Variants in CDC42BPB observed in about 807,000 individuals in gnomAD.
CDC42BPB encodes CDC42 binding protein kinase beta.
Under a neutral mutation model 214.9 loss-of-function variants are expected in CDC42BPB, and 37 were observed. The ratio of observed to expected loss-of-function variants is 0.17; its 90% CI spans 0.13 to 0.23. The LOEUF (loss-of-function observed/expected upper bound fraction) is 0.23. CDC42BPB is among the 10% of genes least tolerant of loss of function. CDC42BPB has a pLI of 1.00. For synonymous variants in CDC42BPB, 931 were observed against 884.0 expected, an observed-to-expected ratio of 1.05 and a Z score of -0.94; for missense variants, 1,694 against 2,227.0, an observed-to-expected ratio of 0.76 and a Z score of 4.82.
chr14:102,969,841 A>G (rs1893394319), intron 14 of CDC42BPB, among the ~76,000 whole-genome samples: 1 of 152,258 alleles, frequency 6.6e-6, no homozygotes, highest in South Asian at 2.1e-4. Flanking sequence ...CCACGATGTG[A>G]AGAAGGCTAT....
intron 5 of CDC42BPB, among the ~76,000 whole-genome samples, chr14:102,992,004 C>G (rs1298174042): frequency 6.6e-6 from 1 of 152,126 alleles, no homozygotes; most frequent in African/African-American, 2.4e-5. Flanking sequence ...GCACCAGCCA[C>G]GTTTTGAGTG....
chr14:102,981,758 CAA>C (rs1894014672), intron 7 of CDC42BPB, among the ~76,000 whole-genome samples: 1 of 152,096 alleles, frequency 6.6e-6, no homozygotes, highest in African/African-American at 2.4e-5. Flanking sequence ...GCCTGGGTGA[CAA>C]GAGCGAGATT....
chr14:102,945,829 G>A (rs1892138783), intron 28 of CDC42BPB, 105 bp from the exon 29 acceptor site: 5 of 946,294 alleles, frequency 5.3e-6, no homozygotes, highest in Non-Finnish European at 8.5e-6. Context: ...TCAACCATAT[G>A]TGGATGAGAA....
intron 2 of CDC42BPB, 186 bp from the exon 3 acceptor site, chr14:103,008,741 G>C (rs1054708488): frequency 6.2e-6 from 6 of 962,586 alleles, no homozygotes; most frequent in Non-Finnish European, 7.4e-6. Flanking sequence ...CAGAGAAAGG[G>C]ACCGGCCACG....
intron 23 of CDC42BPB, among the ~76,000 whole-genome samples, chr14:102,952,931 G>A (rs984517755): frequency 6.6e-6 from 1 of 152,244 alleles, no homozygotes; most frequent in Non-Finnish European, 1.5e-5. Flanking sequence ...CTGGAGACCA[G>A]CACCAACTGG....
chr14:102,948,896 G>A lies in CDC42BPB; in HGVS notation c.3449+869C>T, dbSNP rs1040887291. On this transcript the variant is annotated intron_variant, in intron 26 of 36. Transcript: ENST00000361246. ...CACCTGTGCACAGCCAGGGACTGGC[G>A]GGTGCCCCGGGGGAAGGGACATGGA... Among the ~76,000 whole-genome samples, 6 of 151,882 alleles carry A rather than the reference G, an allele frequency of 4.0e-5. 1 individual carries two copies. In the South Asian group the frequency reaches 6.2e-4, roughly 16 times the overall value.
At chr14:103,020,737 C>A (rs956033932) in intron 1 of CDC42BPB, among the ~76,000 whole-genome samples, 1 of 152,212 alleles carries the variant, frequency 6.6e-6, no homozygotes, top group African/African-American at 2.4e-5. Flanking sequence ...GGAATGCAGG[C>A]GCCTTCACAG....
intron 1 of CDC42BPB, among the ~76,000 whole-genome samples, chr14:103,027,230 G>A (rs1887104442): frequency 6.6e-6 from 1 of 152,154 alleles, no homozygotes; most frequent in African/African-American, 2.4e-5. Flanking sequence ...CTTACACACT[G>A]CTAGTGAGAT....
At chr14:102,947,623 C>T (rs548963824) in intron 27 of CDC42BPB, 98 bp downstream of exon 27, 198 of 1,065,648 alleles carry the variant, frequency 1.9e-4, no homozygotes, top group Admixed American at 4.0e-4. Context: ...TAGGGCCACA[C>T]TGGAGGTGCG....
chr14:102,963,052 T>C lies in CDC42BPB; in HGVS notation c.2821+9A>G, dbSNP rs1166719344. ...TCAAATAATGCAGAATCGCACAACA[T>C]TAATTTACCAGTATCTGCTCTGAAT... On this transcript the variant is annotated intron_variant, in intron 20 of 36. Coordinates refer to ENST00000361246, the MANE Select transcript of CDC42BPB (RefSeq NM_006035.4). 3 of 1,195,494 alleles carry C rather than the reference T, an allele frequency of 2.5e-6. No individual in the cohort carries two copies. Among genetic ancestry groups the C allele is most frequent in the Non-Finnish European group, 3.7e-6 (3 of 805,492 alleles). The allele number at this position is 1,195,494 out of a possible 1,614,324, so 74.1% of individuals were successfully genotyped here.
intron 24 of CDC42BPB, among the ~76,000 whole-genome samples, chr14:102,951,077 A>G (rs957314149): frequency 6.6e-6 from 1 of 152,232 alleles, no homozygotes; most frequent in African/African-American, 2.4e-5. Flanking sequence ...ACAAAAGCTC[A>G]GGGTTTCTGG....
intron 12 of CDC42BPB, 146 bp downstream of exon 12, chr14:102,973,870 C>T: frequency 9.5e-7 from 1 of 1,057,068 alleles, no homozygotes; most frequent in Non-Finnish European, 1.3e-6. Flanking sequence ...GGCCCCGGGG[C>T]CAGGCTTGGC....
intron 30 of CDC42BPB, chr14:102,940,742 T>C (rs897652601): frequency 4.1e-6 from 1 of 242,300 alleles, no homozygotes; most frequent in Non-Finnish European, 8.2e-6. Flanking sequence ...CAAGTCCGGT[T>C]TCCAGGTAGG....
In CDC42BPB at chr14:102,970,133, A is replaced by AC; in HGVS notation, c.1995+17dup. The AC allele has an allele frequency of 6.3e-7, 1 of 1,582,272 alleles. No homozygotes were observed. The highest frequency in any genetic ancestry group is 8.7e-7 in the Non-Finnish European group (1 of 1,153,858). ...GCATCCCTCTCAGTTAAGGGCAGAG[A>AC]CCCCCGCCCAGCACTACCTTGAGGG... is the stretch of plus-strand genomic sequence containing the variant. On this transcript the variant is annotated intron_variant, in intron 14 of 36. Coordinates refer to ENST00000361246, the MANE Select transcript of CDC42BPB (RefSeq NM_006035.4).
chr14:102,967,364 C>G lies in CDC42BPB; in HGVS notation c.2347-194G>C, dbSNP rs893474851. 4.6e-5 allele frequency: 45 copies of G among 985,252 alleles called. No homozygotes were observed. In the African/African-American group the frequency reaches 7.5e-4, roughly 16 times the overall value. 61.0% of individuals were successfully genotyped at this position (985,252 alleles called of 1,614,324 possible). A position where few individuals can be genotyped will look rare whatever the true frequency, so the allele number is the denominator to read the frequency against. Reference sequence around the variant, plus strand: ...GTCACATTTCAATTCAAATCTAAACCTAAACTGATGGAGCTGGAGCTAGTG... The same window carrying G: ...GTCACATTTCAATTCAAATCTAAACGTAAACTGATGGAGCTGGAGCTAGTG... On this transcript the variant is annotated intron_variant, in intron 16 of 36. Coordinates refer to ENST00000361246, the MANE Select transcript of CDC42BPB (RefSeq NM_006035.4).
chr14:102,998,889 C>T (rs1894858609), intron 5 of CDC42BPB, among the ~76,000 whole-genome samples: 1 of 151,828 alleles, frequency 6.6e-6, no homozygotes, highest in Non-Finnish European at 1.5e-5. Flanking sequence ...CACGTGAGCC[C>T]CAGGGAGCAC....
intron 5 of CDC42BPB, among the ~76,000 whole-genome samples, chr14:102,992,198 C>T (rs1436127237): frequency 6.6e-6 from 1 of 152,182 alleles, no homozygotes; most frequent in East Asian, 1.9e-4. Context: ...CAGTTTTGAA[C>T]AATCCACTGA....
chr14:102,979,487 CA>C (rs1281447635), intron 8 of CDC42BPB, among the ~76,000 whole-genome samples: 1 of 152,172 alleles, frequency 6.6e-6, no homozygotes, highest in Non-Finnish European at 1.5e-5. Flanking sequence ...TCTGGGACTA[CA>C]GGGGTGACTC....
chr14:103,009,006 G>C (rs1346902869), intron 2 of CDC42BPB, among the ~76,000 whole-genome samples: 1 of 152,208 alleles, frequency 6.6e-6, no homozygotes, highest in Non-Finnish European at 1.5e-5. Flanking sequence ...ACCAAATCTT[G>C]AATAAGCTCT....
Sources: gnomAD v4.1 joint callset for allele counts (sites outside exome capture counted in the v4.1 genomes callset) on GRCh38, gnomAD v4.1.1 for gene constraint, MANE v1.5 for transcripts, NCBI Gene and HGNC (gene_info 2026-07-23, HGNC 2026-07-21) for gene names.